The following PRTFDC1 variants were observed in gnomAD, a reference collection of about 807,000 sequenced individuals.
The protein encoded by PRTFDC1 is phosphoribosyl transferase domain containing 1, also known as phosphoribosyltransferase domain-containing protein 1.
A neutral mutation model predicts 34.6 loss-of-function variants in PRTFDC1; 38 were observed. The ratio of observed to expected loss-of-function variants is 1.10; its 90% CI spans 0.85 to 1.44. PRTFDC1 has a LOEUF of 1.44. Among genes scored for constraint, PRTFDC1 ranks in the 40% most tolerant of loss-of-function variants. PRTFDC1 has a pLI of 0.00. For synonymous variants in PRTFDC1, 93 were observed against 98.1 expected, an observed-to-expected ratio of 0.95 and a Z score of 0.31; for missense variants, 270 against 283.0, an observed-to-expected ratio of 0.95 and a Z score of 0.33.
At chr10:24,920,317 G>GTATATA (rs143760625) in intron 3 of PRTFDC1, among the ~76,000 whole-genome samples, 1 of 150,232 alleles carries the variant, frequency 6.7e-6, no homozygotes, top group African/African-American at 2.4e-5. Context: ...ATATGTGTGT[G>GTATATA]TATATATATA....
intron 1 of PRTFDC1, among the ~76,000 whole-genome samples, chr10:24,951,076 A>G (rs2132627369): frequency 6.6e-6 from 1 of 152,206 alleles, no homozygotes; most frequent in South Asian, 2.1e-4. Flanking sequence ...TTTTTGTAAA[A>G]GCATAAATCG....
At chr10:24,940,844 C>G (rs1849143268) in intron 2 of PRTFDC1, among the ~76,000 whole-genome samples, 1 of 152,002 alleles carries the variant, frequency 6.6e-6, no homozygotes, top group Non-Finnish European at 1.5e-5. Context: ...CGCAAAATGG[C>G]CAGAAAAGAC....
At chr10:24,949,722 TA>T (rs1849307189) in intron 1 of PRTFDC1, among the ~76,000 whole-genome samples, 1 of 113,590 alleles carries the variant, frequency 8.8e-6, no homozygotes, top group African/African-American at 2.8e-5. Context: ...TTTGTTTATT[TA>T]TTTATTTATT....
At chr10:24,879,291 G>C (rs57024130) in intron 3 of PRTFDC1, among the ~76,000 whole-genome samples, 1 of 151,902 alleles carries the variant, frequency 6.6e-6, no homozygotes, top group Non-Finnish European at 1.5e-5. Context: ...TGAAGCTCTC[G>C]CACTGTCCCT....
chr10:24,925,245 C>T (rs1447823322), intron 3 of PRTFDC1, among the ~76,000 whole-genome samples: 1 of 152,168 alleles, frequency 6.6e-6, no homozygotes, highest in Non-Finnish European at 1.5e-5. Context: ...TGCATGTTCT[C>T]ACTCATAGGT....
rs274315 is a variant in PRTFDC1 at position 24,952,151 on chromosome 10, A to G, written c.48+377T>C. 0.99 allele frequency among the ~76,000 whole-genome samples: 151,290 copies of G among 152,318 alleles called. 75,138 individuals carry two copies. The highest frequency in any genetic ancestry group is 1 in the East Asian group (5,132 of 5,132). On this transcript the variant is annotated intron_variant, in intron 1 of 8. Coordinates refer to ENST00000320152, the MANE Select transcript of PRTFDC1 (RefSeq NM_020200.7). The surrounding 1 kb of genome is among the most constrained non-coding windows in gnomAD (Gnocchi z 5.1). The stretch of plus-strand genomic sequence containing the variant: ...CCCGCCCTGGAGGAGTCAAGAGGAG[A>G]CCCAGGAAGAAGGAGGCCTCCAGAG...
In PRTFDC1 at chr10:24,915,001, C is replaced by G. The variant is rs571838740; in HGVS notation, c.339+22183G>C. Among the ~76,000 whole-genome samples, 392 of 152,236 alleles carry G rather than the reference C, an allele frequency of 2.6e-3. 1 individual carries two copies. Among genetic ancestry groups the G allele is most frequent in the African/African-American group, 8.2e-3 (341 of 41,534 alleles). On this transcript the variant is annotated intron_variant, in intron 3 of 8. Transcript: ENST00000320152. ...ACCTACTGGGTACTATGCTAACTAC[C>G]TGGGTGATGGGTGCAATCGAACCCT...
chr10:24,903,558 C>G (rs1003014040), intron 3 of PRTFDC1, among the ~76,000 whole-genome samples: 1 of 152,170 alleles, frequency 6.6e-6, no homozygotes, highest in African/African-American at 2.4e-5. Flanking sequence ...TCATCCTACA[C>G]TATTTATGGA....
rs139913413 is a variant in PRTFDC1, at chr10:24,938,995, T to C, written c.156-1628A>G. On this transcript the variant is annotated intron_variant, in intron 2 of 8. Coordinates refer to ENST00000320152, the MANE Select transcript of PRTFDC1 (RefSeq NM_020200.7). ...ACTAAGCTATTCAAACACAGGGTGA[T>C]CCCTAGTAAGTGAGGCTTAAAAATA... Among the ~76,000 whole-genome samples the C allele has an allele frequency of 8.9e-4, 136 of 152,180 alleles. 2 individuals are homozygous for C. In the East Asian group the frequency reaches 0.025, roughly 28 times the overall value.
chr10:24,946,940 A>G (rs1225834411), intron 1 of PRTFDC1, among the ~76,000 whole-genome samples: 2 of 152,186 alleles, frequency 1.3e-5, no homozygotes, highest in Non-Finnish European at 2.9e-5. Context: ...GTGTGAGACC[A>G]GCCTGGGTAA....
intron 1 of PRTFDC1, among the ~76,000 whole-genome samples, chr10:24,947,914 A>G (rs1288386992): frequency 3.3e-5 from 5 of 151,986 alleles, no homozygotes; most frequent in Non-Finnish European, 7.4e-5. Context: ...ACAACCATAC[A>G]TCTTGAAAAG....
At chr10:24,950,718 C>T (rs1030330595) in intron 1 of PRTFDC1, among the ~76,000 whole-genome samples, 5 of 152,018 alleles carry the variant, frequency 3.3e-5, no homozygotes, top group Non-Finnish European at 7.4e-5. Context: ...AGTTCTTTCT[C>T]GGTTCCTTCA....
intron 3 of PRTFDC1, among the ~76,000 whole-genome samples, chr10:24,899,257 A>T (rs75509254): frequency 0.1 from 15,705 of 152,190 alleles, 1,090 homozygotes; most frequent in East Asian, 0.29. Flanking sequence ...TGTGTCTCCC[A>T]CAACATCAGT....
chr10:24,909,610 G>GA (rs1236261099), intron 3 of PRTFDC1, among the ~76,000 whole-genome samples: 2 of 151,996 alleles, frequency 1.3e-5, no homozygotes, highest in Admixed American at 1.3e-4. Flanking sequence ...CTTTGTATAG[G>GA]AAAAAAATCC....
chr10:24,951,225 C>A (rs1038243402), intron 1 of PRTFDC1, among the ~76,000 whole-genome samples: 1 of 152,086 alleles, frequency 6.6e-6, no homozygotes, highest in Non-Finnish European at 1.5e-5. Flanking sequence ...GCATCACTCC[C>A]CCCTTCTCCT....
intron 3 of PRTFDC1, among the ~76,000 whole-genome samples, chr10:24,926,720 G>C (rs1312416712): frequency 6.6e-6 from 1 of 152,168 alleles, no homozygotes; most frequent in Non-Finnish European, 1.5e-5. Flanking sequence ...AGCAGAGTGA[G>C]TCCATTCCCC....
In PRTFDC1 at chr10:24,917,665, AAG is replaced by A. The variant is rs149375192; in HGVS notation, c.339+19517_339+19518del. Among the ~76,000 whole-genome samples, 571 of 152,236 alleles carry A rather than the reference AAG, an allele frequency of 3.8e-3. 4 individuals are homozygous for A. The highest frequency in any genetic ancestry group is 0.013 in the African/African-American group (537 of 41,526). On this transcript the variant is annotated intron_variant, in intron 3 of 8. Transcript: ENST00000320152. ...TGAGACACCAAAAGAGCTGATGGGAAAGAGTTATGTGTCCATCAGGGGGCAGA... is the reference window on the plus strand; with the variant it reads ...TGAGACACCAAAAGAGCTGATGGGAAAGTTATGTGTCCATCAGGGGGCAGA...
rs539519465 is a variant in PRTFDC1 at position 24,949,046 on chromosome 10, T to C, written c.48+3482A>G. On this transcript the variant is annotated intron_variant, in intron 1 of 8. Coordinates refer to ENST00000320152, the MANE Select transcript of PRTFDC1 (RefSeq NM_020200.7). ...TGTAAAATGGGGAGCACACTAGACC[T>C]CCCTTACAGATTTGTGCTCAAGAAA... 7.3e-4 allele frequency among the ~76,000 whole-genome samples: 111 copies of C among 152,276 alleles called. 2 individuals are homozygous for C. The highest frequency in any genetic ancestry group is 7.3e-3 in the Admixed American group (111 of 15,292).
chr10:24,863,212 G>A (rs1588576200), intron 4 of PRTFDC1, among the ~76,000 whole-genome samples: 2 of 152,198 alleles, frequency 1.3e-5, no homozygotes, highest in East Asian at 3.9e-4. Context: ...AATGCAGCTG[G>A]TGACTTTAAG....
Sources: gnomAD v4.1 joint callset for allele counts (sites outside exome capture counted in the v4.1 genomes callset) on GRCh38, gnomAD v4.1.1 for gene constraint, Gnocchi (gnomAD v3.1) non-coding constraint, MANE v1.5 for transcripts, NCBI Gene and HGNC (gene_info 2026-07-23, HGNC 2026-07-21) for gene names.